Variants in TSHZ2 observed in about 807,000 individuals in gnomAD.
TSHZ2 encodes the protein teashirt homolog 2.
In TSHZ2, 21 loss-of-function variants were observed where a neutral mutation model predicts 74.4. That is an observed-to-expected ratio of 0.28 (90% confidence interval 0.20 to 0.41). TSHZ2 has a LOEUF of 0.41. Ranked by LOEUF, TSHZ2 falls within the 10% of genes least tolerant of loss-of-function variation. The probability of loss-of-function intolerance (pLI) is 1.00; values close to 1 mark genes in which losing one functional copy is unlikely to be tolerated. For synonymous variants in TSHZ2, 540 were observed against 515.3 expected (o/e 1.05, Z -0.65); for missense variants, 1,244 against 1,293.5 (o/e 0.96, Z 0.59).
Position 53,047,466 on chromosome 20 carries a change from G to T in TSHZ2, c.40+74133G>T, listed in dbSNP as rs540673872. ...AGCAAGAAAGGAAAAGCAGTGGAAG[G>T]CAGGCCCCTCTTTTTAAAGATATAA... On this transcript the variant is annotated intron_variant, in intron 1 of 2. Transcript: ENST00000371497. Among the ~76,000 whole-genome samples, 11 of 152,176 alleles carry T rather than the reference G, an allele frequency of 7.2e-5. No homozygotes were observed. The South Asian group carries it at 1.5e-3, about 20-fold the overall frequency.
chr20:53,251,863 G>A (rs893501813), intron 1 of TSHZ2, among the ~76,000 whole-genome samples: 2 of 152,114 alleles, frequency 1.3e-5, no homozygotes, highest in Non-Finnish European at 2.9e-5. Context: ...CTCATCAAAG[G>A]GTTCTTCTTC....
Position 52,980,627 on chromosome 20 carries a change from T to C in TSHZ2, c.40+7294T>C, listed in dbSNP as rs186741238. Among the ~76,000 whole-genome samples, 22 of 152,348 alleles carry C rather than the reference T, an allele frequency of 1.4e-4. No homozygotes were observed. In the East Asian group the frequency reaches 4.2e-3, roughly 29 times the overall value. On this transcript the variant is annotated intron_variant, in intron 1 of 2. Transcript: ENST00000371497. ...AAGGTGGGTAGAATACAGTTATTGC[T>C]TTTAATGAAAATAGTTACGAAGGGC...
chr20:53,358,326 GTTCTT>G (rs1980923361), intron 2 of TSHZ2, among the ~76,000 whole-genome samples: 2 of 131,296 alleles, frequency 1.5e-5, no homozygotes, highest in Non-Finnish European at 3.2e-5. Context: ...AGTTTCTGTG[GTTCTT>G]TTTTTTTTTT....
intron 1 of TSHZ2, among the ~76,000 whole-genome samples, chr20:53,209,869 G>A (rs764575059): frequency 1.3e-5 from 2 of 151,906 alleles, no homozygotes; most frequent in African/African-American, 4.8e-5. Context: ...GGCTCTCACC[G>A]GGATGGCACA....
rs569978399 is a variant in TSHZ2, at chr20:53,246,097, T to A, written c.41-7402T>A. On this transcript the variant is annotated intron_variant, in intron 1 of 2. Transcript: ENST00000371497. ...CTATCTTGGACAGGCTGGAATGCAG[T>A]GGCGTGATCTCAGCTCTCTGCAACC... Among the ~76,000 whole-genome samples the A allele has an allele frequency of 4.6e-5, 7 of 151,136 alleles. No individual in the cohort carries two copies. The East Asian group carries it at 1.4e-3, about 29-fold the overall frequency.
intron 1 of TSHZ2, among the ~76,000 whole-genome samples, chr20:52,997,658 C>T (rs1982256723): frequency 6.6e-6 from 1 of 152,184 alleles, no homozygotes; most frequent in Non-Finnish European, 1.5e-5. Flanking sequence ...AAGCCGGGTT[C>T]TGTTGGGCAA....
chr20:53,071,181 T>C (rs981253220), intron 1 of TSHZ2, among the ~76,000 whole-genome samples: 1 of 152,068 alleles, frequency 6.6e-6, no homozygotes, highest in South Asian at 2.1e-4. Context: ...AATCATGGAG[T>C]TCAAGAGAGG....
rs1340654499 is a variant in TSHZ2, at chr20:53,256,523, A to G, written c.3065A>G (p.Glu1022Gly). The G allele has an allele frequency of 6.2e-7, 1 of 1,608,182 alleles. No homozygotes were observed. Among genetic ancestry groups the G allele is most frequent in the African/African-American group, 1.3e-5 (1 of 75,006 alleles). Reference protein sequence around the residue: ...HLSKTHSKSPEHHSQFVTDVD... With the variant: ...HLSKTHSKSPGHHSQFVTDVD... ...AGCAAAACGCACAGCAAGTCACCCG[A>G]ACACCATTCACAGTTTGTAACAGAC... is the stretch of plus-strand genomic sequence containing the variant. Residue 1022 changes from glutamate (E) to glycine (G), a missense_variant, in exon 2 of 3, where the codon GAA becomes GGA. Glu to Gly is a moderately conservative substitution (Grantham distance 98). This residue lies in a region of TSHZ2 where 185 missense variants were observed against 213.3 expected (regional missense o/e 0.87). Transcript: ENST00000371497. The surrounding 1 kb of genome is among the most constrained non-coding windows in gnomAD (Gnocchi z 4.3).
At chr20:53,472,019 G>A (rs2042293413) in intron 2 of TSHZ2, among the ~76,000 whole-genome samples, 1 of 151,940 alleles carries the variant, frequency 6.6e-6, no homozygotes. Flanking sequence ...TGGTCAGGCT[G>A]GTCTCAAACT....
At chr20:53,323,200 T>C (rs1002490268) in intron 2 of TSHZ2, among the ~76,000 whole-genome samples, 2 of 152,150 alleles carry the variant, frequency 1.3e-5, no homozygotes, top group African/African-American at 2.4e-5. Context: ...CCCAAGCCAC[T>C]CCTTGGGGCT....
At chr20:53,189,662 T>C (rs999996095) in intron 1 of TSHZ2, among the ~76,000 whole-genome samples, 15 of 152,200 alleles carry the variant, frequency 9.9e-5, no homozygotes, top group Non-Finnish European at 2.2e-4. Context: ...GCAGAGATGC[T>C]GTCTCTCTTC....
intron 2 of TSHZ2, among the ~76,000 whole-genome samples, chr20:53,324,142 T>G (rs1979397045): frequency 6.6e-6 from 1 of 152,094 alleles, no homozygotes. Context: ...GCTCCGGCGT[T>G]TTTGAGAGAA....
At chr20:53,183,609 C>T (rs991361868) in intron 1 of TSHZ2, among the ~76,000 whole-genome samples, 2 of 152,164 alleles carry the variant, frequency 1.3e-5, no homozygotes, top group Non-Finnish European at 2.9e-5. Context: ...ATATACTCAG[C>T]TTCCTCTCAC....
chr20:53,479,912 T>C (rs2145852959), intron 2 of TSHZ2, among the ~76,000 whole-genome samples: 1 of 152,192 alleles, frequency 6.6e-6, no homozygotes, highest in Admixed American at 6.5e-5. Flanking sequence ...CAGGGCCAAG[T>C]TAGAGAAAAA....
At position 53,166,454 on chromosome 20, in the gene TSHZ2, C is replaced by CA. The variant is rs1041845257; in HGVS notation, c.41-87037dup. On this transcript the variant is annotated intron_variant, in intron 1 of 2. Coordinates refer to ENST00000371497, the MANE Select transcript of TSHZ2 (RefSeq NM_173485.6). The stretch of plus-strand genomic sequence containing the variant: ...GTAACACAGCAAGAGCCTGTCTCTA[C>CA]AAAAAAAACTAAACATTTGAAAAAT... 9.2e-5 allele frequency among the ~76,000 whole-genome samples: 14 copies of CA among 151,468 alleles called. No individual in the cohort carries two copies. In the South Asian group the frequency reaches 1.0e-3, roughly 11 times the overall value.
At chr20:53,463,680 A>T (rs532999962) in intron 2 of TSHZ2, among the ~76,000 whole-genome samples, 6 of 152,142 alleles carry the variant, frequency 3.9e-5, no homozygotes, top group Non-Finnish European at 7.4e-5. Flanking sequence ...CCCGGGCCCA[A>T]GTCATACCCT....
At chr20:53,004,548 C>T (rs538430657) in intron 1 of TSHZ2, among the ~76,000 whole-genome samples, 5 of 152,144 alleles carry the variant, frequency 3.3e-5, no homozygotes, top group African/African-American at 4.8e-5. Context: ...AAGGCATTTA[C>T]GCTTAGCAGT....
chr20:53,227,939 G>A (rs1165518349), intron 1 of TSHZ2, among the ~76,000 whole-genome samples: 1 of 149,516 alleles, frequency 6.7e-6, no homozygotes, highest in Non-Finnish European at 1.5e-5. Context: ...TTTTACCACG[G>A]TATACTTTAT....
intron 2 of TSHZ2, among the ~76,000 whole-genome samples, chr20:53,473,586 A>G (rs1486082636): frequency 7.0e-6 from 1 of 143,100 alleles, no homozygotes; most frequent in Non-Finnish European, 1.5e-5. Flanking sequence ...TGGAAACTCT[A>G]AAACGCAGAG....
Sources: allele counts gnomAD v4.1 joint callset (sites outside exome capture counted in the v4.1 genomes callset), GRCh38; gene constraint gnomAD v4.1.1; regional missense constraint gnomAD v4.1.1; non-coding constraint Gnocchi (gnomAD v3.1); transcripts MANE v1.5; gene names NCBI Gene and HGNC (gene_info 2026-07-23, HGNC 2026-07-21).